Variants in TTC39C observed in about 807,000 individuals in gnomAD.
The protein encoded by TTC39C is tetratricopeptide repeat domain 39C.
Under a neutral mutation model 76.3 loss-of-function variants are expected in TTC39C, and 33 were observed. That is an observed-to-expected ratio of 0.43 (90% confidence interval 0.33 to 0.58). TTC39C has a LOEUF of 0.58. Ranked by LOEUF, TTC39C falls within the 20% of genes least tolerant of loss-of-function variation. The pLI, the probability that TTC39C is intolerant of heterozygous loss-of-function variation, is 0.04. For missense variants in TTC39C, 595 were observed against 701.4 expected, an observed-to-expected ratio of 0.85 and a Z score of 1.71; for synonymous variants, 254 against 260.6, an observed-to-expected ratio of 0.97 and a Z score of 0.24.
chr18:24,080,053 C>A (rs552185446), intron 4 of TTC39C, among the ~76,000 whole-genome samples: 1 of 152,140 alleles, frequency 6.6e-6, no homozygotes, highest in African/African-American at 2.4e-5. Context: ...CTGCCCACCA[C>A]GGCCTCCCAA....
In TTC39C at chr18:24,082,923, C is replaced by T. The variant is rs1403673130; in HGVS notation, c.826C>T (p.Leu276Phe). 2 of 1,610,836 alleles carry T rather than the reference C, an allele frequency of 1.2e-6. No individual in the cohort carries two copies. Among genetic ancestry groups the T allele is most frequent in the African/African-American group, 1.3e-5 (1 of 74,776 alleles). ...TCCCTCTTCCTCTAGATTAGCTCTG[C>T]TCTGGTATCATACTGTAGTCCGCCC... ...MKAPLATLAL[L>F]WYHTVVRPFF... The change falls in exon 6 of 14, where the codon CTC (leucine) becomes TTC (phenylalanine). Residue 276 changes from leucine (L) to phenylalanine (F), a missense_variant. Physicochemically the swap from Leu to Phe is conservative, Grantham distance 22. Coordinates refer to ENST00000317571, the MANE Select transcript of TTC39C (RefSeq NM_001135993.2).
At chr18:24,025,124 C>A (rs1005493164) in intron 1 of TTC39C, among the ~76,000 whole-genome samples, 1 of 152,182 alleles carries the variant, frequency 6.6e-6, no homozygotes, top group Non-Finnish European at 1.5e-5. Context: ...CCGTCTCGGC[C>A]TCTAAAAGTG....
intron 4 of TTC39C, among the ~76,000 whole-genome samples, chr18:24,077,523 A>C (rs2084322138): frequency 6.6e-6 from 1 of 152,166 alleles, no homozygotes; most frequent in Non-Finnish European, 1.5e-5. Flanking sequence ...GTTAAGTTGC[A>C]TGCTTATTTT....
intron 6 of TTC39C, among the ~76,000 whole-genome samples, chr18:24,091,965 C>T (rs553041938): frequency 9.9e-5 from 15 of 151,360 alleles, no homozygotes; most frequent in Non-Finnish European, 1.5e-4. Context: ...TGGTAGCGGG[C>T]GCCTGTAGTC....
intron 6 of TTC39C, among the ~76,000 whole-genome samples, chr18:24,108,768 C>G (rs753503883): frequency 6.6e-6 from 1 of 152,114 alleles, no homozygotes; most frequent in East Asian, 1.9e-4. Flanking sequence ...CCACAGAACA[C>G]GCATGAGTTT....
In TTC39C at chr18:24,014,831, T is replaced by C. The variant is rs1464133886; in HGVS notation, c.-41T>C. On this transcript the variant is annotated 5_prime_UTR_variant, in exon 1 of 14. Transcript: ENST00000317571. ...GCGCGCGCGGGGCCGCAGCAGCTGC[T>C]CCCGATCTCGCCTCGGCCCAGCGCA... 5 of 1,216,700 alleles carry C rather than the reference T, an allele frequency of 4.1e-6. No homozygotes were observed. In the African/African-American group the frequency reaches 8.1e-5, roughly 20 times the overall value. The allele number at this position is 1,216,700 out of a possible 1,614,324, so 75.4% of individuals were successfully genotyped here. A position where few individuals can be genotyped will look rare whatever the true frequency, so the allele number is the denominator to read the frequency against.
At chr18:24,010,850 C>A (rs1568402757), upstream of TTC39C, among the ~76,000 whole-genome samples, 2 of 152,138 alleles carry the variant, frequency 1.3e-5, no homozygotes, top group Non-Finnish European at 2.9e-5. Flanking sequence ...GAGTTTGAGA[C>A]CAGCTTGGAC....
intron 3 of TTC39C, among the ~76,000 whole-genome samples, chr18:24,067,426 C>A (rs2145735913): frequency 6.6e-6 from 1 of 152,284 alleles, no homozygotes; most frequent in Admixed American, 6.5e-5. Context: ...GGGCCATGGA[C>A]CCGTACTGGT....
chr18:24,119,402 C>T (rs2084937787), intron 8 of TTC39C, among the ~76,000 whole-genome samples: 1 of 152,224 alleles, frequency 6.6e-6, no homozygotes, highest in African/African-American at 2.4e-5. Flanking sequence ...TCAATACCTT[C>T]TTATTCTTAA....
At chr18:24,128,065 C>T (rs1202286054) in intron 10 of TTC39C, among the ~76,000 whole-genome samples, 2 of 109,342 alleles carry the variant, frequency 1.8e-5, no homozygotes, top group Admixed American at 9.2e-5. Context: ...GGCCCCTGTG[C>T]CTTTGCACTT....
Position 24,114,374 on chromosome 18 carries a change from A to G in TTC39C, c.985-180A>G, listed in dbSNP as rs1212090856. On this transcript the variant is annotated intron_variant, in intron 6 of 13. Transcript: ENST00000317571. ...AGGAGAGGTTCTCTGTGCTTAGGTT[A>G]ATTTCACAGCTGTTTGGGGGCAAAT... The G allele has an allele frequency of 1.3e-5, 7 of 528,976 alleles. No individual in the cohort carries two copies. In the East Asian group the frequency reaches 1.7e-4, roughly 13 times the overall value. The allele number at this position is 528,976 out of a possible 1,614,324, so 32.8% of individuals were successfully genotyped here. A position where few individuals can be genotyped will look rare whatever the true frequency, so the allele number is the denominator to read the frequency against.
At position 24,123,847 on chromosome 18, in the gene TTC39C, C is replaced by A; in HGVS notation, c.1200C>A (p.Ala400=). 1.2e-6 allele frequency: 2 copies of A among 1,609,374 alleles called. No homozygotes were observed. The highest frequency in any genetic ancestry group is 1.7e-6 in the Non-Finnish European group (2 of 1,178,792). Residue 400 remains alanine (A), a synonymous_variant, in exon 9 of 14, where the codon GCC becomes GCA. Transcript: ENST00000317571. ...YAYLTAVCQG[A]TGDVDGAQIV... ...GGTTTCTTACAGTTTGTCAGGGAGC[C>A]ACTGGTGATGTGGATGGGGCACAGA...
chr18:24,074,928 A>T (rs920350186), intron 4 of TTC39C, among the ~76,000 whole-genome samples: 2 of 152,230 alleles, frequency 1.3e-5, no homozygotes, highest in African/African-American at 2.4e-5. Context: ...TAGACTGGAT[A>T]AAGAAAATGT....
At position 24,134,577 on chromosome 18, in the gene TTC39C, G is replaced by T. The variant is rs1057114169; in HGVS notation, c.*2003G>T. On this transcript the variant is annotated 3_prime_UTR_variant, in exon 14 of 14. Coordinates refer to ENST00000317571, the MANE Select transcript of TTC39C (RefSeq NM_001135993.2). ...GGTGTGAGCCACCGTGCCCGGCCTG[G>T]ACATCTGGTTTTAACTAGATGGAAG... 1.3e-5 allele frequency: 2 copies of T among 151,942 alleles called. No individual in the cohort carries two copies. The highest frequency in any genetic ancestry group is 2.9e-5 in the Non-Finnish European group (2 of 67,966). 9.4% of individuals were successfully genotyped at this position (151,942 alleles called of 1,614,324 possible). A position where few individuals can be genotyped will look rare whatever the true frequency, so the allele number is the denominator to read the frequency against.
intron 1 of TTC39C, among the ~76,000 whole-genome samples, chr18:24,046,856 G>A (rs1177766462): frequency 6.6e-6 from 1 of 151,676 alleles, no homozygotes; most frequent in Non-Finnish European, 1.5e-5. Flanking sequence ...AAAGCAATAT[G>A]CTTTTTTCAT....
At chr18:24,023,362 A>G (rs1308763774) in intron 1 of TTC39C, among the ~76,000 whole-genome samples, 1 of 152,206 alleles carries the variant, frequency 6.6e-6, no homozygotes, top group Admixed American at 6.5e-5. Context: ...GATGGGAAGC[A>G]AAGCCGCTGC....
At chr18:24,085,949 T>A (rs1429767744) in intron 6 of TTC39C, among the ~76,000 whole-genome samples, 2 of 152,196 alleles carry the variant, frequency 1.3e-5, no homozygotes, top group African/African-American at 2.4e-5. Flanking sequence ...TTCCCAGGTA[T>A]GTGTAGGACG....
intron 1 of TTC39C, among the ~76,000 whole-genome samples, chr18:24,052,396 A>G (rs993362153): frequency 6.6e-6 from 1 of 152,220 alleles, no homozygotes; most frequent in Non-Finnish European, 1.5e-5. Context: ...CATGTCTTGA[A>G]TGAGTGAGTG....
chr18:23,996,150 A>T (rs2083259294), intron 1 of TTC39C, among the ~76,000 whole-genome samples: 1 of 152,250 alleles, frequency 6.6e-6, no homozygotes, highest in Non-Finnish European at 1.5e-5. Context: ...TTACATTTCC[A>T]TCAAAATGAG....
Sources: gnomAD v4.1 joint callset for allele counts (sites outside exome capture counted in the v4.1 genomes callset) on GRCh38, gnomAD v4.1.1 for gene constraint, MANE v1.5 for transcripts, NCBI Gene and HGNC (gene_info 2026-07-23, HGNC 2026-07-21) for gene names.